The following CDIP1 variants were observed in gnomAD, a reference collection of about 807,000 sequenced individuals.
The protein encoded by CDIP1 is cell death-inducing p53-target protein 1.
Under a neutral mutation model 17.7 loss-of-function variants are expected in CDIP1, and 9 were observed. That is an observed-to-expected ratio of 0.51 (90% CI 0.31 to 0.89). The LOEUF (loss-of-function observed/expected upper bound fraction) is 0.89. CDIP1 is among the 40% of genes least tolerant of loss of function. The pLI is 0.05. For missense variants in CDIP1, 263 were observed against 277.9 expected (o/e 0.95, Z 0.38); for synonymous variants, 117 against 109.5 (o/e 1.07, Z -0.43).
In CDIP1 at chr16:4,513,844, G is replaced by C; in HGVS notation, c.93C>G (p.Ser31=). The change falls in exon 4 of 6, where the codon TCC becomes TCG. Residue 31 remains serine (S), a synonymous_variant. Coordinates refer to ENST00000567695, the MANE Select transcript of CDIP1 (RefSeq NM_013399.3). This position sits in a 1 kb window ranked among gnomAD's most constrained non-coding sequence, Gnocchi z 4.1. The part of the protein sequence containing the change: ...KSGAPPTPGR[S]SPAVMQPPPG... ...GAGGGGGCTGCATCACAGCTGGGGA[G>C]GAACGGCCTGGACAGAGAGAGGCAG... 1.3e-6 allele frequency: 2 copies of C among 1,578,744 alleles called. No homozygotes were observed. Among genetic ancestry groups the C allele is most frequent in the Non-Finnish European group, 1.7e-6 (2 of 1,163,044 alleles).
chr16:4,520,131 TAGAC>T (rs2058930408), intron 1 of CDIP1, among the ~76,000 whole-genome samples: 1 of 151,676 alleles, frequency 6.6e-6, no homozygotes, highest in Non-Finnish European at 1.5e-5. Context: ...TTTTTTTTTT[TAGAC>T]AGAGTCTCGC....
At chr16:4,531,979 T>C (rs559816748) in intron 1 of CDIP1, among the ~76,000 whole-genome samples, 113 of 152,362 alleles carry the variant, frequency 7.4e-4, no homozygotes, top group Non-Finnish European at 1.3e-3. Context: ...CAGGCCCCGC[T>C]GGGCCTCTAG....
At chr16:4,529,707 G>A (rs2059035733) in intron 1 of CDIP1, among the ~76,000 whole-genome samples, 1 of 152,202 alleles carries the variant, frequency 6.6e-6, no homozygotes, top group South Asian at 2.1e-4. Flanking sequence ...CTGTCTGCCT[G>A]TACTGAGCAG....
intron 1 of CDIP1, among the ~76,000 whole-genome samples, chr16:4,526,569 G>A (rs1288258541): frequency 2.0e-5 from 3 of 147,146 alleles, no homozygotes; most frequent in Non-Finnish European, 3.0e-5. Flanking sequence ...GCATGATGGC[G>A]GGCGCCTGCA....
chr16:4,526,121 G>A, intron 1 of CDIP1, among the ~76,000 whole-genome samples: 1 of 152,092 alleles, frequency 6.6e-6, no homozygotes, highest in East Asian at 1.9e-4. Flanking sequence ...TAAGACACCA[G>A]CCTAGCCAGG....
chr16:4,530,730 C>G (rs1488056253), intron 1 of CDIP1, among the ~76,000 whole-genome samples: 2 of 151,810 alleles, frequency 1.3e-5, no homozygotes, highest in Non-Finnish European at 2.9e-5. Context: ...AATCTCAGCA[C>G]TTTGGGAAGT....
At chr16:4,522,944 G>T (rs1012762847) in intron 1 of CDIP1, among the ~76,000 whole-genome samples, 1 of 152,252 alleles carries the variant, frequency 6.6e-6, no homozygotes, top group Non-Finnish European at 1.5e-5. Context: ...GGAGGGCGGT[G>T]TGAGAATTAA....
intron 1 of CDIP1, among the ~76,000 whole-genome samples, chr16:4,535,161 G>C (rs562098038): frequency 1.3e-5 from 2 of 152,050 alleles, no homozygotes; most frequent in African/African-American, 4.8e-5. Context: ...TCCTTCTTGG[G>C]GGAAAAACCC....
chr16:4,528,187 T>C (rs1181067543), intron 1 of CDIP1, among the ~76,000 whole-genome samples: 1 of 152,238 alleles, frequency 6.6e-6, no homozygotes, highest in Non-Finnish European at 1.5e-5. Context: ...AAAAAAGCAG[T>C]AGCACAGTGT....
Position 4,513,529 on chromosome 16 carries a change from G to C in CDIP1, c.241+167C>G, listed in dbSNP as rs988131218. On this transcript the variant is annotated intron_variant, in intron 4 of 5. Coordinates refer to ENST00000567695, the MANE Select transcript of CDIP1 (RefSeq NM_013399.3). The surrounding 1 kb of genome is among the most constrained non-coding windows in gnomAD (Gnocchi z 4.1). ...AATAAGAGCAGTCCCACCTTCCCAC[G>C]TCCACAGTCCCTGTCCACACACAGC... is the stretch of plus-strand genomic sequence containing the variant. Among the ~76,000 whole-genome samples the C allele has an allele frequency of 6.6e-6, 1 of 152,076 alleles. No homozygotes were observed. Among genetic ancestry groups the C allele is most frequent in the Non-Finnish European group, 1.5e-5 (1 of 68,016 alleles).
chr16:4,532,259 C>G (rs1158690117), intron 1 of CDIP1: 1 of 152,184 alleles, frequency 6.6e-6, no homozygotes, highest in Middle Eastern at 3.2e-3. Flanking sequence ...AAGTATGGAC[C>G]ACACACTATG....
intron 1 of CDIP1, among the ~76,000 whole-genome samples, chr16:4,528,463 G>C (rs1447259117): frequency 6.6e-6 from 1 of 152,150 alleles, no homozygotes; most frequent in African/African-American, 2.4e-5. Context: ...ACGTTCTACT[G>C]ATGTGGAGTT....
chr16:4,520,938 C>A (rs1402436061), intron 1 of CDIP1, among the ~76,000 whole-genome samples: 1 of 152,184 alleles, frequency 6.6e-6, no homozygotes, highest in Non-Finnish European at 1.5e-5. Context: ...CAAATGAATG[C>A]ACGTGTGCTT....
In CDIP1 at chr16:4,513,240, A is replaced by G. The variant is rs1361391083; in HGVS notation, c.242-176T>C. On this transcript the variant is annotated intron_variant, in intron 4 of 5. Coordinates refer to ENST00000567695, the MANE Select transcript of CDIP1 (RefSeq NM_013399.3). This position sits in a 1 kb window ranked among gnomAD's most constrained non-coding sequence, Gnocchi z 4.1. ...GGCCTTACAGCTGGGGCCCTAAGTC[A>G]AGTGGGGCCACATTCTCCCAGCCCT... Among the ~76,000 whole-genome samples, 4 of 152,164 alleles carry G rather than the reference A, an allele frequency of 2.6e-5. No individual in the cohort carries two copies. Among genetic ancestry groups the G allele is most frequent in the Non-Finnish European group, 5.9e-5 (4 of 68,004 alleles).
chr16:4,529,400 T>A (rs903496219), intron 1 of CDIP1, among the ~76,000 whole-genome samples: 1 of 152,086 alleles, frequency 6.6e-6, no homozygotes, highest in African/African-American at 2.4e-5. Flanking sequence ...GCCTCCCAAC[T>A]CGCCCAGTGA....
intron 1 of CDIP1, among the ~76,000 whole-genome samples, chr16:4,535,324 G>A (rs1395179399): frequency 1.3e-5 from 2 of 152,152 alleles, no homozygotes; most frequent in African/African-American, 4.8e-5. Flanking sequence ...ACCAAGCCAG[G>A]TCTCACCCAC....
At chr16:4,535,388 G>C (rs2059097009) in intron 1 of CDIP1, among the ~76,000 whole-genome samples, 1 of 152,196 alleles carries the variant, frequency 6.6e-6, no homozygotes, top group Non-Finnish European at 1.5e-5. Flanking sequence ...AAATGGTCCA[G>C]TATTACCAAA....
intron 1 of CDIP1, among the ~76,000 whole-genome samples, chr16:4,522,913 G>T (rs566283727): frequency 6.6e-6 from 1 of 152,190 alleles, no homozygotes; most frequent in African/African-American, 2.4e-5. Flanking sequence ...ACACACAGAC[G>T]GATTAGTTCA....
At chr16:4,524,023 G>A (rs953231216) in intron 1 of CDIP1, 7 of 152,262 alleles carry the variant, frequency 4.6e-5, no homozygotes, top group African/African-American at 1.7e-4. Flanking sequence ...GTGGCACTTG[G>A]AAACAAAGAC....
Sources: allele counts gnomAD v4.1 joint callset (sites outside exome capture counted in the v4.1 genomes callset), GRCh38; gene constraint gnomAD v4.1.1; non-coding constraint Gnocchi (gnomAD v3.1); transcripts MANE v1.5; gene names NCBI Gene and HGNC (gene_info 2026-07-23, HGNC 2026-07-21).